SETD2: variants seen among roughly 807,000 people sequenced by gnomAD.
SETD2 encodes the protein SET domain containing 2, histone lysine methyltransferase.
Under a neutral mutation model 242.1 loss-of-function variants are expected in SETD2, and 31 were observed. The ratio of observed to expected loss-of-function variants is 0.13; its 90% confidence interval spans 0.10 to 0.17. The LOEUF (loss-of-function observed/expected upper bound fraction) is 0.17, where lower values mean the gene tolerates loss of function less well. SETD2 is among the 10% of genes least tolerant of loss of function. The pLI is 1.00. For synonymous variants in SETD2, 1,006 were observed against 1,066.5 expected, an observed-to-expected ratio of 0.94 and a Z score of 1.11; for missense variants, 2,481 against 3,046.3, an observed-to-expected ratio of 0.81 and a Z score of 4.37.
chr3:47,116,156 TAA>T (rs1302186997), intron 4 of SETD2, among the ~76,000 whole-genome samples: 2 of 150,146 alleles, frequency 1.3e-5, no homozygotes, highest in African/African-American at 4.9e-5. Flanking sequence ...TCTGTATACA[TAA>T]AAAGAGGAAA....
intron 16 of SETD2, 96 bp from the exon 17 acceptor site, chr3:47,042,796 T>TCTAC: frequency 9.5e-7 from 1 of 1,050,518 alleles, no homozygotes; most frequent in East Asian, 2.4e-5. Flanking sequence ...AAAATGTACA[T>TCTAC]CTACCTCCTC....
In SETD2 at chr3:47,150,748, G is replaced by A. The variant is rs186389296; in HGVS notation, c.71+13106C>T. Among the ~76,000 whole-genome samples, 4 of 152,102 alleles carry A rather than the reference G, an allele frequency of 2.6e-5. No individual in the cohort carries two copies. The East Asian group carries it at 7.7e-4, about 29-fold the overall frequency. ...TGTAATCCCAGCACTTTGGGAAGCT[G>A]AGGTAGGGAGACTGCCTGAGTCCAG... On this transcript the variant is annotated intron_variant, in intron 1 of 20. Coordinates refer to ENST00000409792, the MANE Select transcript of SETD2 (RefSeq NM_014159.7).
At chr3:47,130,931 G>C (rs1269804188) in intron 1 of SETD2, among the ~76,000 whole-genome samples, 1 of 152,070 alleles carries the variant, frequency 6.6e-6, no homozygotes, top group African/African-American at 2.4e-5. Flanking sequence ...AAAAGACTTA[G>C]TTAAGAGTTT....
rs59408277 is a variant in SETD2, at chr3:47,044,344, C to CAAAAAAAAAAAAAAA, written c.7099-1659_7099-1645dup. On this transcript the variant is annotated intron_variant, in intron 16 of 20. Coordinates refer to ENST00000409792, the MANE Select transcript of SETD2 (RefSeq NM_014159.7). ...TGGGCAACAAAGCAAGACTTCATCT[C>CAAAAAAAAAAAAAAA]AAAAAAAAAAAAAAAAAAAAAAAAA... Among the ~76,000 whole-genome samples, 25 of 33,948 alleles carry CAAAAAAAAAAAAAAA rather than the reference C, an allele frequency of 7.4e-4. 3 individuals are homozygous for CAAAAAAAAAAAAAAA. The highest frequency in any genetic ancestry group is 2.6e-3 in the East Asian group (2 of 762). 22.3% of individuals were successfully genotyped at this position (33,948 alleles called of 152,430 possible).
At chr3:47,110,813 T>C (rs141002653) in intron 5 of SETD2, among the ~76,000 whole-genome samples, 150 of 152,244 alleles carry the variant, frequency 9.9e-4, no homozygotes, top group African/African-American at 3.4e-3. Flanking sequence ...TCTCTGTGAA[T>C]AGCTGAAGAA....
intron 14 of SETD2, among the ~76,000 whole-genome samples, chr3:47,061,860 G>A (rs1484022923): frequency 6.6e-6 from 1 of 152,108 alleles, no homozygotes; most frequent in Non-Finnish European, 1.5e-5. Context: ...TATCTTTGAA[G>A]ACTTATCTCC....
intron 1 of SETD2, among the ~76,000 whole-genome samples, chr3:47,150,281 G>A (rs1042760973): frequency 1.5e-4 from 23 of 151,804 alleles, no homozygotes; most frequent in Non-Finnish European, 2.1e-4. Context: ...CTTGTGATTC[G>A]CCCGCCTCGG....
chr3:47,046,944 G>A (rs953170415), intron 15 of SETD2: 1 of 169,604 alleles, frequency 5.9e-6, no homozygotes, highest in African/African-American at 2.4e-5. Flanking sequence ...CAGGTGGACA[G>A]TTTCTATAAG....
At chr3:47,127,479 A>C (rs1357897754) in intron 1 of SETD2, 1 of 383,092 alleles carries the variant, frequency 2.6e-6, no homozygotes, top group African/African-American at 2.1e-5. Flanking sequence ...TGTAATCCCA[A>C]CACTTTAAGA....
At chr3:47,051,847 T>G (rs1365018468) in intron 15 of SETD2, among the ~76,000 whole-genome samples, 1 of 152,208 alleles carries the variant, frequency 6.6e-6, no homozygotes, top group African/African-American at 2.4e-5. Flanking sequence ...TCTTTGGCCA[T>G]CAGTGACAAT....
intron 5 of SETD2, among the ~76,000 whole-genome samples, chr3:47,108,864 T>C (rs1460598849): frequency 6.6e-6 from 1 of 152,204 alleles, no homozygotes; most frequent in Non-Finnish European, 1.5e-5. Flanking sequence ...TTAGGTTTCT[T>C]AGAGAAGCTA....
Position 47,164,053 on chromosome 3 carries a change from C to T in SETD2, c.-129G>A, listed in dbSNP as rs1354539962. 1.2e-5 allele frequency: 15 copies of T among 1,213,802 alleles called. No individual in the cohort carries two copies. The highest frequency in any genetic ancestry group is 3.4e-5 in the East Asian group (1 of 29,082). 75.2% of individuals were successfully genotyped at this position (1,213,802 alleles called of 1,614,324 possible). On this transcript the variant is annotated 5_prime_UTR_variant, in exon 1 of 21. Transcript: ENST00000409792. This position sits in a 1 kb window ranked among gnomAD's most constrained non-coding sequence, Gnocchi z 5.4. Reference sequence around the variant, plus strand: ...GCGGCGGCGGCGGCGGCAGGGGCGGCCCGCGTCGCTACCTCGCTCGTCGCT... The same window carrying T: ...GCGGCGGCGGCGGCGGCAGGGGCGGTCCGCGTCGCTACCTCGCTCGTCGCT...
At chr3:47,048,856 C>T (rs534832219) in intron 15 of SETD2, among the ~76,000 whole-genome samples, 2 of 151,744 alleles carry the variant, frequency 1.3e-5, no homozygotes, top group Admixed American at 6.6e-5. Context: ...TTAGCAGAGA[C>T]GGGGTTTCAC....
At chr3:47,064,831 T>C (rs962892904) in intron 13 of SETD2, among the ~76,000 whole-genome samples, 1 of 149,072 alleles carries the variant, frequency 6.7e-6, no homozygotes, top group African/African-American at 2.4e-5. Flanking sequence ...ATAAGCATTA[T>C]ATATTATAAG....
At position 47,083,835 on chromosome 3, in the gene SETD2, T is replaced by C. The variant is rs587778664; in HGVS notation, c.5945A>G (p.Asp1982Gly). The change falls in exon 12 of 21, where the codon GAT becomes GGT. Residue 1982 changes from aspartate to glycine, a missense_variant. By Grantham distance (94) the Asp-to-Gly change is moderately conservative. Coordinates refer to ENST00000409792, the MANE Select transcript of SETD2 (RefSeq NM_014159.7). ...EPINEETPSQ[D>G]EEEGVSDVES... is the part of the protein sequence containing the mutation. ...CACATCAGACACACCCTCCTCTTCA[T>C]CTTGGGATGGTGTTTCTTCATTAAT... is the stretch of plus-strand genomic sequence containing the variant. 5.6e-6 allele frequency: 9 copies of C among 1,614,010 alleles called. No homozygotes were observed. Among genetic ancestry groups the C allele is most frequent in the South Asian group, 2.2e-5 (2 of 91,086 alleles).
At chr3:47,050,601 C>T (rs923159367) in intron 15 of SETD2, among the ~76,000 whole-genome samples, 2 of 151,808 alleles carry the variant, frequency 1.3e-5, no homozygotes, top group African/African-American at 4.8e-5. Flanking sequence ...CTTAGGGATG[C>T]TCTACCACTA....
intron 18 of SETD2, among the ~76,000 whole-genome samples, chr3:47,020,229 C>T (rs908623978): frequency 2.0e-5 from 3 of 152,058 alleles, no homozygotes; most frequent in Admixed American, 6.6e-5. Context: ...AGGACAGAGG[C>T]GAAATGCTCT....
Position 47,122,128 on chromosome 3 carries a change from A to C in SETD2, c.2508T>G (p.Cys836Trp), listed in dbSNP as rs142668029. 17 of 1,613,946 alleles carry C rather than the reference A, an allele frequency of 1.1e-5. No individual in the cohort carries two copies. Among genetic ancestry groups the C allele is most frequent in the Admixed American group, 1.7e-5 (1 of 60,016 alleles). Residue 836 changes from cysteine (C) to tryptophan (W), a missense_variant, in exon 3 of 21, where the codon TGT becomes TGG. This residue lies in a region of SETD2 where 1,300 missense variants were observed against 1,259.2 expected (regional missense o/e 1.03). Transcript: ENST00000409792. ...NVHLESKPVI[C>W]DSRNLTDHSK... ...AGTGATCTGTCAAATTTCTACTATC[A>C]CATATAACTGGTTTTGATTCCAAAT...
At chr3:47,048,695 C>T (rs1248207457) in intron 15 of SETD2, among the ~76,000 whole-genome samples, 1 of 152,036 alleles carries the variant, frequency 6.6e-6, no homozygotes, top group African/African-American at 2.4e-5. Context: ...AACAACCCTC[C>T]TCCCTCCTCC....
Sources: gnomAD v4.1 joint callset for allele counts (sites outside exome capture counted in the v4.1 genomes callset) on GRCh38, gnomAD v4.1.1 for gene constraint, gnomAD v4.1.1 regional missense constraint, Gnocchi (gnomAD v3.1) non-coding constraint, MANE v1.5 for transcripts, NCBI Gene and HGNC (gene_info 2026-07-23, HGNC 2026-07-21) for gene names.